Variants in SH3GLB2 observed in about 807,000 individuals in gnomAD.
SH3GLB2 encodes the protein endophilin-B2.
Under a neutral mutation model 48.0 loss-of-function variants are expected in SH3GLB2, and 24 were observed. That is an observed-to-expected ratio of 0.50 (90% CI 0.36 to 0.70). The LOEUF is 0.70. Ranked by LOEUF, SH3GLB2 falls within the 30% of genes least tolerant of loss-of-function variation. The probability of loss-of-function intolerance (pLI) is 0.00; values close to 1 mark genes in which losing one functional copy is unlikely to be tolerated. For missense variants in SH3GLB2, 425 were observed against 516.0 expected (o/e 0.82, Z 1.71); for synonymous variants, 227 against 207.6 (o/e 1.09, Z -0.80).
At chr9:129,018,472 A>G (rs530757008) in intron 3 of SH3GLB2, among the ~76,000 whole-genome samples, 4 of 151,254 alleles carry the variant, frequency 2.6e-5, no homozygotes, top group Non-Finnish European at 5.9e-5. Context: ...AGCGACTTGG[A>G]AGGCTGAGGC....
rs527423232 is a variant in SH3GLB2, at chr9:129,014,130, T to A, written c.561+281A>T. ...GCATCTAGGAGGGCAGGGCAGGGCA[T>A]GCAGGAGACTCCAGCTGCCTGGCGG... On this transcript the variant is annotated intron_variant, in intron 5 of 10. Transcript: ENST00000372564. This position sits in a 1 kb window ranked among gnomAD's most constrained non-coding sequence, Gnocchi z 4.1. 1.6e-6 allele frequency: 1 copy of A among 616,918 alleles called. No homozygotes were observed. Among genetic ancestry groups the A allele is most frequent in the Admixed American group, 2.2e-5 (1 of 45,680 alleles). 38.2% of individuals were successfully genotyped at this position (616,918 alleles called of 1,614,324 possible).
intron 1 of SH3GLB2, among the ~76,000 whole-genome samples, chr9:129,025,629 G>C (rs1303696004): frequency 6.7e-6 from 1 of 149,996 alleles, no homozygotes; most frequent in Non-Finnish European, 1.5e-5. Context: ...AAGGAAGGCA[G>C]GCAGGCAGGC....
Position 129,014,677 on chromosome 9 carries a change from G to T in SH3GLB2, c.468+94C>A. 1 of 1,547,358 alleles carries T rather than the reference G, an allele frequency of 6.5e-7. No homozygotes were observed. Among genetic ancestry groups the T allele is most frequent in the Non-Finnish European group, 8.7e-7 (1 of 1,143,734 alleles). ...TCTCTGGGGAGGCCTCAGGAGTTTT[G>T]TAGCCCCAGCACTGGAAGAGAGCCT... is the stretch of plus-strand genomic sequence containing the variant. On this transcript the variant is annotated intron_variant, in intron 4 of 10. Coordinates refer to ENST00000372564, the MANE Select transcript of SH3GLB2 (RefSeq NM_020145.4). The surrounding 1 kb of genome is among the most constrained non-coding windows in gnomAD (Gnocchi z 4.1).
At chr9:129,016,951 CTTTTTTTTTTT>C (rs766780203) in intron 3 of SH3GLB2, among the ~76,000 whole-genome samples, 3 of 112,426 alleles carry the variant, frequency 2.7e-5, no homozygotes, top group African/African-American at 9.8e-5. Context: ...ATACTCTGCT[CTTTTTTTTTTT>C]TTTTTTTTTT....
chr9:129,010,862 G>T (rs959917563), intron 6 of SH3GLB2, 169 bp from the exon 7 acceptor site: 3 of 736,592 alleles, frequency 4.1e-6, no homozygotes, highest in East Asian at 2.7e-5. Flanking sequence ...CATGGGAGCT[G>T]GGGGCTGGCG....
chr9:129,017,215 G>A (rs897520574), intron 3 of SH3GLB2, among the ~76,000 whole-genome samples: 4 of 152,120 alleles, frequency 2.6e-5, no homozygotes, highest in Admixed American at 6.5e-5. Context: ...CTCCCAAAGT[G>A]GCGGGATTAC....
At chr9:129,024,256 CAAAAAA>C (rs1169096733) in intron 1 of SH3GLB2, among the ~76,000 whole-genome samples, 1 of 54,520 alleles carries the variant, frequency 1.8e-5, no homozygotes, top group African/African-American at 7.8e-5. Flanking sequence ...CTCCTCTCTA[CAAAAAA>C]AAAAAAAAAA....
At position 129,014,742 on chromosome 9, in the gene SH3GLB2, A is replaced by G; in HGVS notation, c.468+29T>C. Reference sequence around the variant, plus strand: ...TGAGGAGGGAACTGCCATGGTTACCAGGAAGCGGAATAGTCCCAGGGCCCT... The same window carrying G: ...TGAGGAGGGAACTGCCATGGTTACCGGGAAGCGGAATAGTCCCAGGGCCCT... On this transcript the variant is annotated intron_variant, in intron 4 of 10. Coordinates refer to ENST00000372564, the MANE Select transcript of SH3GLB2 (RefSeq NM_020145.4). This position sits in a 1 kb window ranked among gnomAD's most constrained non-coding sequence, Gnocchi z 4.1. 1 of 1,602,472 alleles carries G rather than the reference A, an allele frequency of 6.2e-7. No homozygotes were observed. The highest frequency in any genetic ancestry group is 8.5e-7 in the Non-Finnish European group (1 of 1,175,058).
rs1842988206 is a variant in SH3GLB2 at position 129,009,656 on chromosome 9, G to C, written c.839+115C>G. On this transcript the variant is annotated intron_variant, in intron 9 of 10. Coordinates refer to ENST00000372564, the MANE Select transcript of SH3GLB2 (RefSeq NM_020145.4). The stretch of plus-strand genomic sequence containing the variant: ...CCCGCACCCAGAGTGGGTTCCAGCA[G>C]AGCCCTCCAACCCAGCTTTGTGTCA... The C allele has an allele frequency of 1.4e-5, 19 of 1,370,612 alleles. No individual in the cohort carries two copies. The South Asian group carries it at 2.5e-4, about 18-fold the overall frequency. 84.9% of individuals were successfully genotyped at this position (1,370,612 alleles called of 1,614,324 possible).
chr9:129,010,820 C>A, intron 6 of SH3GLB2, 127 bp from the exon 7 acceptor site: 1 of 1,193,668 alleles, frequency 8.4e-7, no homozygotes, highest in Non-Finnish European at 1.2e-6. Flanking sequence ...CCCCCCCTCC[C>A]AAACAGGAGC....
chr9:129,028,168 G>A lies in SH3GLB2; in HGVS notation c.-14C>T, dbSNP rs903804462. 7.0e-6 allele frequency: 10 copies of A among 1,423,336 alleles called. No individual in the cohort carries two copies. The highest frequency in any genetic ancestry group is 9.2e-6 in the Non-Finnish European group (10 of 1,085,224). 88.2% of individuals were successfully genotyped at this position (1,423,336 alleles called of 1,614,324 possible). A position where few individuals can be genotyped will look rare whatever the true frequency, so the allele number is the denominator to read the frequency against. On this transcript the variant is annotated 5_prime_UTR_variant, in exon 1 of 11. Coordinates refer to ENST00000372564, the MANE Select transcript of SH3GLB2 (RefSeq NM_020145.4). ...GTTGAAGTCCATGGCGTGCCCGCAC[G>A]GCCGCCGCGCACGGCCCGAGCGCAG...
intron 6 of SH3GLB2, chr9:129,012,030 C>T: frequency 5.0e-6 from 2 of 398,944 alleles, no homozygotes; most frequent in South Asian, 2.8e-4. Flanking sequence ...ACAAGTCCAG[C>T]TCCATGGCCA....
chr9:129,010,536 G>A, intron 7 of SH3GLB2, 134 bp downstream of exon 7: 5 of 1,019,188 alleles, frequency 4.9e-6, no homozygotes, highest in Non-Finnish European at 7.5e-6. Flanking sequence ...CTGAGGCCCA[G>A]GGAGGGAAAG....
chr9:129,010,293 C>T (rs1206196428), intron 7 of SH3GLB2, 84 bp from the exon 8 acceptor site: 14 of 1,172,098 alleles, frequency 1.2e-5, no homozygotes, highest in Non-Finnish European at 1.6e-5. Context: ...ACCTGGGAGC[C>T]GCCTGTCCCT....
chr9:129,021,117 C>T lies in SH3GLB2; in HGVS notation c.308G>A (p.Ser103Asn), dbSNP rs754889262. 1 of 1,611,120 alleles carries T rather than the reference C, an allele frequency of 6.2e-7. No individual in the cohort carries two copies. Among genetic ancestry groups the T allele is most frequent in the Non-Finnish European group, 8.5e-7 (1 of 1,178,942 alleles). Residue 103 changes from serine (S) to asparagine (N), a missense_variant, in exon 3 of 11, where the codon AGT becomes AAT. Coordinates refer to ENST00000372564, the MANE Select transcript of SH3GLB2 (RefSeq NM_020145.4). ...LLAQYMADAASELGPTTPYGK... is the reference protein window; with the variant it reads ...LLAQYMADAANELGPTTPYGK... ...ATAGGGGGTGGTCGGCCCCAGCTCA[C>T]TGGCCGCGTCTGCCATGTACTGAGC...
chr9:129,015,178 C>A (rs140690031), intron 3 of SH3GLB2, among the ~76,000 whole-genome samples: 1 of 152,130 alleles, frequency 6.6e-6, no homozygotes, highest in Non-Finnish European at 1.5e-5. Flanking sequence ...CTCAACAAAT[C>A]CCCTCCCAAA....
Position 129,012,317 on chromosome 9 carries a change from C to T in SH3GLB2, c.562-19G>A, listed in dbSNP as rs1843174622. ...GCACCGTCTGGCGGGGAACAGAGTT[C>T]ATGTGGGGAGGGGGTCACCCTGGGC... On this transcript the variant is annotated intron_variant, in intron 5 of 10. Coordinates refer to ENST00000372564, the MANE Select transcript of SH3GLB2 (RefSeq NM_020145.4). The T allele has an allele frequency of 7.8e-7, 1 of 1,286,660 alleles. No homozygotes were observed. Among genetic ancestry groups the T allele is most frequent in the Admixed American group, 3.9e-5 (1 of 25,696 alleles). The allele number at this position is 1,286,660 out of a possible 1,614,324, so 79.7% of individuals were successfully genotyped here.
At chr9:129,016,058 C>G (rs1588320181) in intron 3 of SH3GLB2, among the ~76,000 whole-genome samples, 2 of 151,892 alleles carry the variant, frequency 1.3e-5, no homozygotes, top group East Asian at 3.9e-4. Flanking sequence ...AAAGTGAAGG[C>G]AAGGCCGGGC....
intron 6 of SH3GLB2, 56 bp from the exon 7 acceptor site, chr9:129,010,749 A>G: frequency 6.2e-7 from 1 of 1,606,944 alleles, no homozygotes; most frequent in South Asian, 1.1e-5. Context: ...GGACAGCTGG[A>G]CCCTAGAGCC....
Sources: gnomAD v4.1 joint callset for allele counts (sites outside exome capture counted in the v4.1 genomes callset) on GRCh38, gnomAD v4.1.1 for gene constraint, Gnocchi (gnomAD v3.1) non-coding constraint, MANE v1.5 for transcripts, NCBI Gene and HGNC (gene_info 2026-07-23, HGNC 2026-07-21) for gene names.